Variants in DNAJC27 observed in about 807,000 individuals in gnomAD.
DNAJC27 encodes the protein dnaJ homolog subfamily C member 27.
In DNAJC27, 25 loss-of-function variants were observed where a neutral mutation model predicts 31.4. The ratio of observed to expected loss-of-function variants is 0.80; its 90% CI spans 0.58 to 1.11. The LOEUF (loss-of-function observed/expected upper bound fraction) is 1.11, where lower values mean the gene tolerates loss of function less well. Ranked by LOEUF, DNAJC27 falls within the 50% of genes most tolerant of loss-of-function variation. The pLI is 0.00. For missense variants in DNAJC27, 356 were observed against 347.3 expected, an observed-to-expected ratio of 1.02 and a Z score of -0.20; for synonymous variants, 106 against 112.7, an observed-to-expected ratio of 0.94 and a Z score of 0.37.
chr2:24,959,606 C>CA (rs1665992080), intron 3 of DNAJC27, among the ~76,000 whole-genome samples: 1 of 152,212 alleles, frequency 6.6e-6, no homozygotes, highest in African/African-American at 2.4e-5. Context: ...CTTATCCTCC[C>CA]ACTAGCTCCT....
At chr2:24,958,428 TC>T in intron 3 of DNAJC27, 1 of 203,034 alleles carries the variant, frequency 4.9e-6, no homozygotes. Context: ...AGGCAGAGCT[TC>T]CCTGACTCTC....
rs1665676560 is a variant in DNAJC27 at position 24,947,559 on chromosome 2, C to T, written c.*57G>A. On this transcript the variant is annotated 3_prime_UTR_variant, in exon 7 of 7. Coordinates refer to ENST00000264711, the MANE Select transcript of DNAJC27 (RefSeq NM_016544.3). The stretch of plus-strand genomic sequence containing the variant: ...GGAAAACTCCACGTTGGTTATTTCA[C>T]CTCTAGGGAAAGTCTGTTTGCATTT... 2 of 1,548,882 alleles carry T rather than the reference C, an allele frequency of 1.3e-6. No homozygotes were observed. Among genetic ancestry groups the T allele is most frequent in the Non-Finnish European group, 1.8e-6 (2 of 1,138,064 alleles).
At chr2:24,957,719 A>G in intron 4 of DNAJC27, 91 bp downstream of exon 4, 2 of 1,225,528 alleles carry the variant, frequency 1.6e-6, no homozygotes, top group Middle Eastern at 2.3e-4. Flanking sequence ...ATATTACACA[A>G]TAAGGAATTT....
chr2:24,969,758 C>T (rs548872920), intron 1 of DNAJC27, among the ~76,000 whole-genome samples: 11 of 152,320 alleles, frequency 7.2e-5, no homozygotes, highest in African/African-American at 2.4e-4. Flanking sequence ...GAATTACAGG[C>T]GTGAGCCACT....
intron 1 of DNAJC27, among the ~76,000 whole-genome samples, chr2:24,968,318 CAAT>C (rs1666240026): frequency 6.6e-6 from 1 of 152,048 alleles, no homozygotes; most frequent in South Asian, 2.1e-4. Context: ...CTGTTTGAGT[CAAT>C]GATTATTTAC....
At chr2:24,955,713 A>T (rs1427157313) in intron 5 of DNAJC27, among the ~76,000 whole-genome samples, 1 of 152,254 alleles carries the variant, frequency 6.6e-6, no homozygotes, top group Non-Finnish European at 1.5e-5. Context: ...AGAGATTAAT[A>T]AGAGTCAGAA....
intron 1 of DNAJC27, among the ~76,000 whole-genome samples, chr2:24,968,068 T>A (rs890390666): frequency 2.6e-5 from 4 of 151,082 alleles, no homozygotes; most frequent in Non-Finnish European, 4.4e-5. Context: ...AGAAAAAAAA[T>A]TTCCTGTTAA....
chr2:24,946,225 T>TTTAA lies in DNAJC27; in HGVS notation c.*1390_*1391insTTAA, dbSNP rs1665648803. On this transcript the variant is annotated 3_prime_UTR_variant, in exon 7 of 7. Coordinates refer to ENST00000264711, the MANE Select transcript of DNAJC27 (RefSeq NM_016544.3). Reference sequence around the variant, plus strand: ...TTTGTAAGCTATAGTTTAAAAATATTACTCTTCAGAAATTTGGAGCCCAAG... The same window carrying TTTAA: ...TTTGTAAGCTATAGTTTAAAAATATTTTAAACTCTTCAGAAATTTGGAGCCCAAG... The TTTAA allele has an allele frequency of 6.6e-6, 1 of 152,130 alleles. No individual in the cohort carries two copies. Among genetic ancestry groups the TTTAA allele is most frequent in the South Asian group, 2.1e-4 (1 of 4,826 alleles). 9.4% of individuals were successfully genotyped at this position (152,130 alleles called of 1,614,324 possible).
chr2:24,961,773 A>C (rs185732110), intron 3 of DNAJC27, among the ~76,000 whole-genome samples: 2 of 152,334 alleles, frequency 1.3e-5, no homozygotes, highest in African/African-American at 4.8e-5. Flanking sequence ...ACGATAAAAA[A>C]TAAATAAGGA....
chr2:24,950,718 G>C (rs1665751087), intron 6 of DNAJC27, among the ~76,000 whole-genome samples: 1 of 152,060 alleles, frequency 6.6e-6, no homozygotes, highest in South Asian at 2.1e-4. Context: ...GTGGTGGCGT[G>C]TGCCTGTAAT....
At chr2:24,957,996 C>A (rs1356042140) in intron 3 of DNAJC27, 22 bp from the exon 4 acceptor site, 4 of 1,602,778 alleles carry the variant, frequency 2.5e-6, no homozygotes, top group African/African-American at 1.3e-5. Context: ...AGGACAGATA[C>A]ACAAAACGTA....
intron 2 of DNAJC27, among the ~76,000 whole-genome samples, chr2:24,966,052 T>C (rs1666172916): frequency 1.3e-5 from 2 of 152,210 alleles, no homozygotes; most frequent in East Asian, 1.9e-4. Context: ...ATAAATACCA[T>C]AGACAACTTT....
At chr2:24,953,814 G>A (rs1487630652) in intron 5 of DNAJC27, among the ~76,000 whole-genome samples, 1 of 152,148 alleles carries the variant, frequency 6.6e-6, no homozygotes, top group Non-Finnish European at 1.5e-5. Context: ...CATAGTGTAG[G>A]CTATAGAATA....
chr2:24,948,240 G>C (rs1313629175), intron 6 of DNAJC27, among the ~76,000 whole-genome samples: 1 of 152,182 alleles, frequency 6.6e-6, no homozygotes, highest in African/African-American at 2.4e-5. Flanking sequence ...GGTGTTTCAT[G>C]ACAAGTGTGT....
chr2:24,959,294 C>T (rs780579189), intron 3 of DNAJC27, among the ~76,000 whole-genome samples: 6 of 152,162 alleles, frequency 3.9e-5, no homozygotes, highest in Non-Finnish European at 7.3e-5. Context: ...CCAAAATCCC[C>T]CAAATCCTGT....
At position 24,957,865 on chromosome 2, in the gene DNAJC27, T is replaced by A; in HGVS notation, c.350A>T (p.Glu117Val). Residue 117 changes from glutamate to valine, a missense_variant, in exon 4 of 7, where the codon GAG becomes GTG. Physicochemically the swap from Glu to Val is moderately radical, Grantham distance 121. Coordinates refer to ENST00000264711, the MANE Select transcript of DNAJC27 (RefSeq NM_016544.3). ...TTCCATGTTTCCATGAGGTCCAAGC[T>A]CTTGCTTCATTTCTGCCAGCCACGC... is the stretch of plus-strand genomic sequence containing the variant. Reference protein sequence around the residue: ...LDAWLAEMKQELGPHGNMENI... With the variant: ...LDAWLAEMKQVLGPHGNMENI... 1 of 1,614,194 alleles carries A rather than the reference T, an allele frequency of 6.2e-7. No homozygotes were observed. The highest frequency in any genetic ancestry group is 8.5e-7 in the Non-Finnish European group (1 of 1,180,022).
chr2:24,955,675 C>T (rs1665888308), intron 5 of DNAJC27, among the ~76,000 whole-genome samples: 1 of 151,962 alleles, frequency 6.6e-6, no homozygotes, highest in South Asian at 2.1e-4. Flanking sequence ...TGAAAGCAGC[C>T]AGGGGGTAAA....
At chr2:24,963,514 G>A in intron 2 of DNAJC27, 40 bp from the exon 3 acceptor site, 1 of 1,529,116 alleles carries the variant, frequency 6.5e-7, no homozygotes, top group Admixed American at 1.7e-5. Flanking sequence ...AGAAAGTCAT[G>A]GTTTCTCCAT....
At chr2:24,949,826 T>A (rs1665724813) in intron 6 of DNAJC27, among the ~76,000 whole-genome samples, 1 of 152,032 alleles carries the variant, frequency 6.6e-6, no homozygotes, top group Non-Finnish European at 1.5e-5. Flanking sequence ...AGAGCCAGTA[T>A]CCCTTGGAGA....
Sources: allele counts gnomAD v4.1 joint callset (sites outside exome capture counted in the v4.1 genomes callset), GRCh38; gene constraint gnomAD v4.1.1; transcripts MANE v1.5; gene names NCBI Gene and HGNC (gene_info 2026-07-23, HGNC 2026-07-21).